The following USP43 variants were observed in gnomAD, a reference collection of about 807,000 sequenced individuals.
USP43 encodes ubiquitin carboxyl-terminal hydrolase 43.
A neutral mutation model predicts 90.7 loss-of-function variants in USP43; 33 were observed. The ratio of observed to expected loss-of-function variants is 0.36; its 90% confidence interval spans 0.28 to 0.49. The LOEUF is 0.49. USP43 is among the 20% of genes least tolerant of loss of function. USP43 has a pLI of 0.98. For synonymous variants in USP43, 598 were observed against 615.8 expected, an observed-to-expected ratio of 0.97 and a Z score of 0.43; for missense variants, 1,274 against 1,476.4, an observed-to-expected ratio of 0.86 and a Z score of 2.25.
chr17:9,648,743 A>G (rs1420145226), intron 1 of USP43, among the ~76,000 whole-genome samples: 1 of 152,158 alleles, frequency 6.6e-6, no homozygotes, highest in South Asian at 2.1e-4. Context: ...TCAGTTCAAT[A>G]AATGAATAAA....
At chr17:9,725,177 AG>A (rs1260737233) in intron 14 of USP43, among the ~76,000 whole-genome samples, 2 of 152,064 alleles carry the variant, frequency 1.3e-5, no homozygotes, top group African/African-American at 4.8e-5. Context: ...ATCTGCATGG[AG>A]GGGGCTCTTG....
intron 13 of USP43, 129 bp from the exon 14 acceptor site, chr17:9,711,839 T>C (rs1223591396): frequency 2.7e-6 from 3 of 1,092,174 alleles, no homozygotes; most frequent in Non-Finnish European, 3.7e-6. Flanking sequence ...TTTCTGCAGT[T>C]CTGTTCTGGT....
chr17:9,708,018 C>T (rs1292389869), intron 12 of USP43, among the ~76,000 whole-genome samples: 1 of 152,204 alleles, frequency 6.6e-6, no homozygotes, highest in Admixed American at 6.5e-5. Flanking sequence ...GCAAGGATGT[C>T]ACATGTAGGC....
At chr17:9,719,928 A>G (rs112591368) in intron 14 of USP43, among the ~76,000 whole-genome samples, 1,577 of 152,166 alleles carry the variant, frequency 0.01, 30 homozygotes, top group African/African-American at 0.036. Context: ...TTAGCTGGGC[A>G]TGATGGCACA....
At chr17:9,699,109 G>T (rs1986873163) in intron 9 of USP43, among the ~76,000 whole-genome samples, 1 of 152,214 alleles carries the variant, frequency 6.6e-6, no homozygotes, top group Non-Finnish European at 1.5e-5. Flanking sequence ...ATGGGTGGGG[G>T]AGAATGGCAG....
At position 9,645,561 on chromosome 17, in the gene USP43, T is replaced by C. The variant is rs1911308380; in HGVS notation, c.-72T>C. On this transcript the variant is annotated 5_prime_UTR_variant, in exon 1 of 15. Transcript: ENST00000285199. This position sits in a 1 kb window ranked among gnomAD's most constrained non-coding sequence, Gnocchi z 6.8. ...CCGGCACCAGGAGCCTTAGAGAAGC[T>C]GTAGGGCCTGCTGGCCGCTCGTCCG... 4 of 1,155,156 alleles carry C rather than the reference T, an allele frequency of 3.5e-6. No individual in the cohort carries two copies. The highest frequency in any genetic ancestry group is 4.3e-6 in the Non-Finnish European group (4 of 938,334). The allele number at this position is 1,155,156 out of a possible 1,614,324, so 71.6% of individuals were successfully genotyped here.
chr17:9,708,773 G>T (rs1023670348), intron 12 of USP43, among the ~76,000 whole-genome samples: 13 of 152,038 alleles, frequency 8.6e-5, no homozygotes, highest in Admixed American at 8.5e-4. Context: ...GATTACAGGC[G>T]TGCACCACTA....
chr17:9,703,154 T>A (rs1223109621), intron 12 of USP43, among the ~76,000 whole-genome samples: 2 of 151,994 alleles, frequency 1.3e-5, no homozygotes, highest in Non-Finnish European at 2.9e-5. Flanking sequence ...ATATATATAT[T>A]GGGAGGCATC....
intron 2 of USP43, among the ~76,000 whole-genome samples, chr17:9,658,296 G>T (rs912267268): frequency 6.6e-6 from 1 of 151,840 alleles, no homozygotes; most frequent in Non-Finnish European, 1.5e-5. Context: ...CCTTAAATTT[G>T]TCTGTTTCCT....
At position 9,690,746 on chromosome 17, in the gene USP43, G is replaced by A. The variant is rs376734305; in HGVS notation, c.1354-2381G>A. Among the ~76,000 whole-genome samples the A allele has an allele frequency of 7.5e-4, 114 of 152,176 alleles. 1 individual carries two copies. The South Asian group carries it at 0.022, about 30-fold the overall frequency. Reference sequence around the variant, plus strand: ...CTAAAAATACAAAAATTAGCCAGGTGTGGTGGCAGGTGCCTGTAATCCCAG... The same window carrying A: ...CTAAAAATACAAAAATTAGCCAGGTATGGTGGCAGGTGCCTGTAATCCCAG... On this transcript the variant is annotated intron_variant, in intron 8 of 14. Transcript: ENST00000285199.
intron 9 of USP43, among the ~76,000 whole-genome samples, chr17:9,695,290 T>C (rs1465603905): frequency 6.6e-6 from 1 of 152,162 alleles, no homozygotes; most frequent in African/African-American, 2.4e-5. Flanking sequence ...CTCCTTGTTC[T>C]ATAGGAAATT....
intron 3 of USP43, among the ~76,000 whole-genome samples, chr17:9,670,562 G>C (rs756738489): frequency 6.6e-6 from 1 of 152,108 alleles, no homozygotes; most frequent in African/African-American, 2.4e-5. Flanking sequence ...TCTTGCTAAC[G>C]GGGTGAGGGG....
At chr17:9,684,708 A>G (rs1358640297) in intron 7 of USP43, among the ~76,000 whole-genome samples, 1 of 144,928 alleles carries the variant, frequency 6.9e-6, no homozygotes, top group Non-Finnish European at 1.5e-5. Context: ...GGTTGCGGTG[A>G]GCCGAGATTG....
At chr17:9,726,841 G>T in intron 14 of USP43, among the ~76,000 whole-genome samples, 1 of 152,234 alleles carries the variant, frequency 6.6e-6, no homozygotes, top group East Asian at 1.9e-4. Context: ...CTTGCGCCAT[G>T]TAGGTTGTGT....
chr17:9,715,236 G>A (rs1916434729), intron 14 of USP43, among the ~76,000 whole-genome samples: 1 of 152,162 alleles, frequency 6.6e-6, no homozygotes, highest in Non-Finnish European at 1.5e-5. Context: ...CAAGGTGGGA[G>A]GATCGCGTGA....
At chr17:9,678,110 T>C (rs1281630818) in intron 5 of USP43, among the ~76,000 whole-genome samples, 1 of 151,882 alleles carries the variant, frequency 6.6e-6, no homozygotes, top group Non-Finnish European at 1.5e-5. Context: ...TAAGAAAAGA[T>C]CAAAAGGGAG....
At chr17:9,658,479 G>T (rs150466150) in intron 2 of USP43, among the ~76,000 whole-genome samples, 9 of 152,124 alleles carry the variant, frequency 5.9e-5, no homozygotes, top group Admixed American at 2.6e-4. Context: ...GCCCAGGGGG[G>T]TCTGGTTTGA....
intron 14 of USP43, among the ~76,000 whole-genome samples, chr17:9,726,472 T>A (rs909345475): frequency 2.0e-5 from 3 of 152,248 alleles, no homozygotes; most frequent in Non-Finnish European, 4.4e-5. Context: ...AGGCTGGAAG[T>A]CTGAGATCAG....
At chr17:9,700,926 G>C (rs963534144) in intron 10 of USP43, among the ~76,000 whole-genome samples, 193 bp from the exon 11 acceptor site, 2 of 152,206 alleles carry the variant, frequency 1.3e-5, no homozygotes, top group South Asian at 2.1e-4. Flanking sequence ...GGAGCTGGTG[G>C]GGGAGAGAGA....
Sources: allele counts gnomAD v4.1 joint callset (sites outside exome capture counted in the v4.1 genomes callset), GRCh38; gene constraint gnomAD v4.1.1; non-coding constraint Gnocchi (gnomAD v3.1); transcripts MANE v1.5; gene names NCBI Gene and HGNC (gene_info 2026-07-23, HGNC 2026-07-21).